Variants in PKP1 observed in about 807,000 individuals in gnomAD.
The protein encoded by PKP1 is plakophilin 1, also known as plakophilin-1.
A neutral mutation model predicts 76.4 loss-of-function variants in PKP1; 27 were observed. The ratio of observed to expected loss-of-function variants is 0.35; its 90% confidence interval spans 0.26 to 0.49. PKP1 has a LOEUF of 0.49. Among genes scored for constraint, PKP1 ranks in the 20% least tolerant of loss-of-function variants. The pLI, the probability that PKP1 is intolerant of heterozygous loss-of-function variation, is 0.99. For missense variants in PKP1, 964 were observed against 955.2 expected, an observed-to-expected ratio of 1.01 and a Z score of -0.12; for synonymous variants, 404 against 384.2, an observed-to-expected ratio of 1.05 and a Z score of -0.60.
chr1:201,318,542 A>G (rs544195692), intron 5 of PKP1, 76 bp from the exon 6 acceptor site: 12 of 1,332,516 alleles, frequency 9.0e-6, no homozygotes, highest in Non-Finnish European at 9.7e-6. Flanking sequence ...GCCAGAGTCC[A>G]GGCTGGGGCT....
intron 12 of PKP1, 57 bp downstream of exon 12, chr1:201,325,895 C>G: frequency 7.5e-7 from 1 of 1,336,680 alleles, no homozygotes; most frequent in Non-Finnish European, 1.1e-6. Context: ...GAGCAGAGGG[C>G]CTGGCATATG....
intron 4 of PKP1, 109 bp downstream of exon 4, chr1:201,316,806 G>C (rs1368410152): frequency 8.3e-7 from 1 of 1,207,202 alleles, no homozygotes; most frequent in East Asian, 2.4e-5. Flanking sequence ...GGCTTCTCTT[G>C]CCTTGCCCAG....
intron 2 of PKP1, among the ~76,000 whole-genome samples, chr1:201,302,869 G>C (rs183228693): frequency 6.6e-6 from 1 of 152,310 alleles, no homozygotes; most frequent in Non-Finnish European, 1.5e-5. Context: ...CCGAACTGCC[G>C]AACTGCCTTC....
chr1:201,324,828 C>A lies in PKP1; in HGVS notation c.1835-113C>A, dbSNP rs1433984206. 7 of 1,200,310 alleles carry A rather than the reference C, an allele frequency of 5.8e-6. No homozygotes were observed. The Admixed American group carries it at 1.3e-4, about 23-fold the overall frequency. 74.4% of individuals were successfully genotyped at this position (1,200,310 alleles called of 1,614,324 possible). On this transcript the variant is annotated intron_variant, in intron 10 of 13. Coordinates refer to ENST00000367324, the MANE Select transcript of PKP1 (RefSeq NM_001005337.3). ...AGCTGCCAGGAAGCCCTGAGGGCCACCTGGCTCAGAGCCCGGCAGAAGGCT... is the reference window on the plus strand; with the variant it reads ...AGCTGCCAGGAAGCCCTGAGGGCCAACTGGCTCAGAGCCCGGCAGAAGGCT...
chr1:201,322,962 T>A, intron 8 of PKP1, 51 bp from the exon 9 acceptor site: 1 of 1,573,862 alleles, frequency 6.4e-7, no homozygotes, highest in Non-Finnish European at 8.7e-7. Flanking sequence ...CTGGGTTGTG[T>A]CCTCTCACAA....
chr1:201,319,868 A>C (rs2102180441), intron 6 of PKP1: 1 of 1,614,082 alleles, frequency 6.2e-7, no homozygotes, highest in East Asian at 2.2e-5. Flanking sequence ...AAGGGCCACT[A>C]GTAGCAGGGT....
intron 7 of PKP1, among the ~76,000 whole-genome samples, chr1:201,321,286 T>C (rs1656931448): frequency 6.6e-6 from 1 of 152,204 alleles, no homozygotes; most frequent in African/African-American, 2.4e-5. Flanking sequence ...CCCCAAGCCC[T>C]GGAAGTCAGA....
At chr1:201,328,609 C>T (rs927988479) in intron 12 of PKP1, 153 bp from the exon 13 acceptor site, 6 of 725,540 alleles carry the variant, frequency 8.3e-6, no homozygotes, top group Admixed American at 3.9e-5. Flanking sequence ...TACACAGTTA[C>T]TGAGGCCAGT....
At chr1:201,288,229 T>C (rs1655794772) in intron 1 of PKP1, among the ~76,000 whole-genome samples, 1 of 152,202 alleles carries the variant, frequency 6.6e-6, no homozygotes, top group African/African-American at 2.4e-5. Context: ...GGGAACACTC[T>C]TTGGAAATAG....
rs771727242 is a variant in PKP1 at position 201,283,825 on chromosome 1, G to A, written c.123G>A (p.Val41=). The part of the protein sequence containing the change: ...MKTGTSGRQR[V]QEQVMMTVKR... Reference sequence around the variant, plus strand: ...CAGGCACGTCTGGCAGGCAGCGCGTGCAGGAGCAGGTGATGATGACCGTCA... The same window carrying A: ...CAGGCACGTCTGGCAGGCAGCGCGTACAGGAGCAGGTGATGATGACCGTCA... The change falls in exon 1 of 14, where the codon GTG becomes GTA. Residue 41 remains valine, a synonymous_variant. Transcript: ENST00000367324. The A allele has an allele frequency of 1.2e-6, 2 of 1,614,214 alleles. No homozygotes were observed. Among genetic ancestry groups the A allele is most frequent in the African/African-American group, 1.3e-5 (1 of 75,066 alleles).
rs1468347026 is a variant in PKP1, at chr1:201,283,646, C to T, written c.-57C>T. The T allele has an allele frequency of 5.5e-6, 8 of 1,466,214 alleles. No homozygotes were observed. The highest frequency in any genetic ancestry group is 7.6e-6 in the Non-Finnish European group (8 of 1,059,530). The allele number at this position is 1,466,214 out of a possible 1,614,324, so 90.8% of individuals were successfully genotyped here. A position where few individuals can be genotyped will look rare whatever the true frequency, so the allele number is the denominator to read the frequency against. ...CCTGCCCGCCCGCTGCACCGCACCT[C>T]GCCTCGCCTCTCTGCTCTCCTAGGC... On this transcript the variant is annotated 5_prime_UTR_variant, in exon 1 of 14. Coordinates refer to ENST00000367324, the MANE Select transcript of PKP1 (RefSeq NM_001005337.3).
Position 201,324,949 on chromosome 1 carries a change from G to C in PKP1, c.1843G>C (p.Val615Leu), listed in dbSNP as rs760214615. The change falls in exon 11 of 14, where the codon GTG (valine) becomes CTG (leucine). Residue 615 changes from valine to leucine, a missense_variant. Coordinates refer to ENST00000367324, the MANE Select transcript of PKP1 (RefSeq NM_001005337.3). ...PLLHRVMGNQ[V>L]FPEVTRLLTS... ...ACTCGTTCCTCTCCCAGGGAACCAG[G>C]TGTTCCCGGAGGTGACCAGGCTCCT... The C allele has an allele frequency of 6.2e-7, 1 of 1,613,376 alleles. No homozygotes were observed. Among genetic ancestry groups the C allele is most frequent in the Non-Finnish European group, 8.5e-7 (1 of 1,179,820 alleles).
chr1:201,309,654 A>G (rs1259385552), intron 2 of PKP1, among the ~76,000 whole-genome samples: 4 of 152,134 alleles, frequency 2.6e-5, no homozygotes, highest in Admixed American at 6.5e-5. Flanking sequence ...GAGAGCCGGC[A>G]TTGGCGGTGA....
intron 3 of PKP1, among the ~76,000 whole-genome samples, 159 bp from the exon 4 acceptor site, chr1:201,316,394 T>C (rs1656748676): frequency 6.6e-6 from 1 of 152,142 alleles, no homozygotes; most frequent in Admixed American, 6.5e-5. Context: ...GAGGAGCTGT[T>C]CCCAGGGGTA....
chr1:201,325,003 T>C lies in PKP1; in HGVS notation c.1897T>C (p.Ser633Pro), dbSNP rs1342038596. 1.2e-6 allele frequency: 2 copies of C among 1,613,790 alleles called. No individual in the cohort carries two copies. Among genetic ancestry groups the C allele is most frequent in the Non-Finnish European group, 1.7e-6 (2 of 1,180,010 alleles). Reference protein sequence around the residue: ...LTSHTGNTSNSEDILSSACYT... With the variant: ...LTSHTGNTSNPEDILSSACYT... ...CAGCCACACTGGCAATACCAGCAAC[T>C]CCGAAGACATCTTGTCCTCGGCCTG... is the stretch of plus-strand genomic sequence containing the variant. Residue 633 changes from serine to proline, a missense_variant, in exon 11 of 14, where the codon TCC (serine) becomes CCC (proline). By Grantham distance (74) the Ser-to-Pro change is moderately conservative. Transcript: ENST00000367324.
intron 2 of PKP1, among the ~76,000 whole-genome samples, chr1:201,304,171 T>A (rs1271282620): frequency 6.6e-6 from 1 of 152,230 alleles, no homozygotes; most frequent in Non-Finnish European, 1.5e-5. Flanking sequence ...TGCTGGGATC[T>A]GAGTTGGGGT....
intron 2 of PKP1, among the ~76,000 whole-genome samples, chr1:201,305,456 G>A (rs1259581091): frequency 1.3e-5 from 2 of 152,232 alleles, no homozygotes; most frequent in African/African-American, 4.8e-5. Flanking sequence ...GGTCAAGGCT[G>A]CAGTGAGCCA....
Position 201,319,578 on chromosome 1 carries a change from A to G in PKP1, c.1233-689A>G, listed in dbSNP as rs1349579513. Among the ~76,000 whole-genome samples the G allele has an allele frequency of 2.0e-5, 3 of 152,274 alleles. No homozygotes were observed. In the East Asian group the frequency reaches 5.8e-4, roughly 29 times the overall value. On this transcript the variant is annotated intron_variant, in intron 6 of 13. Transcript: ENST00000367324. ...AGAGAGGCTGGGGAGATGAAAAGTG[A>G]GGATAATTAAGAGTTTTATGGGGTT...
In PKP1 at chr1:201,293,890, G is replaced by T. The variant is rs528859043; in HGVS notation, c.203-52G>T. 4.7e-5 allele frequency: 56 copies of T among 1,189,260 alleles called. 1 individual carries two copies. The South Asian group carries it at 6.6e-4, about 14-fold the overall frequency. The allele number at this position is 1,189,260 out of a possible 1,614,324, so 73.7% of individuals were successfully genotyped here. A position where few individuals can be genotyped will look rare whatever the true frequency, so the allele number is the denominator to read the frequency against. On this transcript the variant is annotated intron_variant, in intron 1 of 13. Transcript: ENST00000367324. ...AGAAGTGATGCCCTGAGGAACAGGG[G>T]TGGATGAAGATCATGGCCATCCCTG...
Sources: allele counts gnomAD v4.1 joint callset (sites outside exome capture counted in the v4.1 genomes callset), GRCh38; gene constraint gnomAD v4.1.1; transcripts MANE v1.5; gene names NCBI Gene and HGNC (gene_info 2026-07-23, HGNC 2026-07-21).